The following SHTN1 variants were observed in gnomAD, a reference collection of about 807,000 sequenced individuals.
The protein encoded by SHTN1 is shootin 1.
Under a neutral mutation model 83.1 loss-of-function variants are expected in SHTN1, and 42 were observed. The ratio of observed to expected loss-of-function variants is 0.51; its 90% CI spans 0.39 to 0.65. The LOEUF (loss-of-function observed/expected upper bound fraction) is 0.65. SHTN1 is among the 30% of genes least tolerant of loss of function. The pLI is 0.00. For synonymous variants in SHTN1, 224 were observed against 247.7 expected, an observed-to-expected ratio of 0.90 and a Z score of 0.90; for missense variants, 622 against 737.8, an observed-to-expected ratio of 0.84 and a Z score of 1.82.
intron 9 of SHTN1, among the ~76,000 whole-genome samples, chr10:116,939,450 G>A (rs182702789): frequency 3.9e-5 from 6 of 152,302 alleles, no homozygotes; most frequent in Admixed American, 3.9e-4. Flanking sequence ...CTTCCCGGGT[G>A]AGGCAACACC....
intron 16 of SHTN1, among the ~76,000 whole-genome samples, chr10:116,887,497 C>T (rs565134490): frequency 6.6e-6 from 1 of 152,146 alleles, no homozygotes; most frequent in East Asian, 1.9e-4. Context: ...CCCGGCACAC[C>T]ACCATCCCAC....
At chr10:117,064,430 C>T (rs187234616) in intron 1 of SHTN1, among the ~76,000 whole-genome samples, 5 of 152,192 alleles carry the variant, frequency 3.3e-5, no homozygotes, top group East Asian at 1.9e-4. Flanking sequence ...CCAAGGCAGG[C>T]GGATCACGAG....
At chr10:117,037,861 C>G (rs1316768815) in intron 2 of SHTN1, among the ~76,000 whole-genome samples, 1 of 151,436 alleles carries the variant, frequency 6.6e-6, no homozygotes, top group Non-Finnish European at 1.5e-5. Flanking sequence ...CAAAAATTAG[C>G]TGGGTGTGGT....
chr10:116,927,354 AC>A (rs1213795334), intron 11 of SHTN1, among the ~76,000 whole-genome samples: 7 of 152,178 alleles, frequency 4.6e-5, no homozygotes, highest in Non-Finnish European at 1.5e-5. Context: ...ATAAAGATAT[AC>A]CCGAGACTCG....
chr10:116,938,397 A>T (rs1192738478), intron 9 of SHTN1, among the ~76,000 whole-genome samples: 1 of 152,082 alleles, frequency 6.6e-6, no homozygotes, highest in East Asian at 1.9e-4. Flanking sequence ...TCTGTTTGTT[A>T]GTTTTCCTTC....
intron 6 of SHTN1, among the ~76,000 whole-genome samples, chr10:116,951,328 C>A (rs1849768566): frequency 6.6e-6 from 1 of 152,144 alleles, no homozygotes; most frequent in Non-Finnish European, 1.5e-5. Flanking sequence ...GAGGCTGAGG[C>A]AGGAGGATCA....
At chr10:117,021,234 G>A (rs1852259731) in intron 2 of SHTN1, among the ~76,000 whole-genome samples, 1 of 152,196 alleles carries the variant, frequency 6.6e-6, no homozygotes, top group Admixed American at 6.5e-5. Flanking sequence ...TTAGCCGGGC[G>A]TTGTGGTACG....
At chr10:117,084,857 C>A (rs539547431) in intron 1 of SHTN1, among the ~76,000 whole-genome samples, 1 of 151,536 alleles carries the variant, frequency 6.6e-6, no homozygotes, top group Non-Finnish European at 1.5e-5. Context: ...TGACCCCTTG[C>A]GCTTCCCGAG....
intron 2 of SHTN1, among the ~76,000 whole-genome samples, chr10:117,015,271 C>G (rs1852165855): frequency 6.6e-6 from 1 of 152,172 alleles, no homozygotes; most frequent in East Asian, 1.9e-4. Context: ...GCTCTGCTGA[C>G]AGCTGAAGGC....
chr10:116,928,504 TATGA>T (rs1848826840), intron 10 of SHTN1, among the ~76,000 whole-genome samples: 1 of 152,232 alleles, frequency 6.6e-6, no homozygotes, highest in African/African-American at 2.4e-5. Context: ...TGAAAGTGCC[TATGA>T]ATGGTGCTAC....
intron 4 of SHTN1, among the ~76,000 whole-genome samples, chr10:116,957,315 G>A (rs1184959403): frequency 6.8e-6 from 1 of 146,002 alleles, no homozygotes; most frequent in Non-Finnish European, 1.5e-5. Context: ...GTAGAGCTGC[G>A]TGATTTCAGC....
chr10:117,108,102 T>C lies in SHTN1; in HGVS notation c.-189+18205A>G, dbSNP rs1482651444. On this transcript the variant is annotated intron_variant, in intron 1 of 17. Coordinates refer to the SHTN1 transcript ENST00000392901. The stretch of plus-strand genomic sequence containing the variant: ...TACCTGTGCTTCTGATTACTATTTT[T>C]GTTTCCAAGGCTAATAAGGAGCTGT... Among the ~76,000 whole-genome samples, 5 of 152,336 alleles carry C rather than the reference T, an allele frequency of 3.3e-5. No individual in the cohort carries two copies. In the East Asian group the frequency reaches 9.6e-4, roughly 29 times the overall value.
At chr10:117,112,839 G>C (rs1008700838) in intron 1 of SHTN1, among the ~76,000 whole-genome samples, 3 of 152,182 alleles carry the variant, frequency 2.0e-5, no homozygotes, top group Non-Finnish European at 4.4e-5. Flanking sequence ...TCTGAAAATG[G>C]AGATGTTTAA....
chr10:116,946,469 G>T (rs1330535256), intron 7 of SHTN1, among the ~76,000 whole-genome samples: 1 of 140,754 alleles, frequency 7.1e-6, no homozygotes, highest in Non-Finnish European at 1.5e-5. Flanking sequence ...ATATACATAT[G>T]TATAAAATGT....
chr10:117,067,854 A>T lies in SHTN1; in HGVS notation c.-188-19344T>A, dbSNP rs189539565. Among the ~76,000 whole-genome samples the T allele has an allele frequency of 4.6e-5, 7 of 152,292 alleles. No individual in the cohort carries two copies. The East Asian group carries it at 1.2e-3, about 25-fold the overall frequency. On this transcript the variant is annotated intron_variant, in intron 1 of 17. Transcript: ENST00000392901. ...GGATATGGGAAGTGGGTGAGATGGA[A>T]ATATCAACAATAAACCTCAGGTTCC...
At chr10:116,983,671 GATAGATAGATAGATAAATACATAC>G (rs1439087181) in intron 1 of SHTN1, among the ~76,000 whole-genome samples, 2 of 61,652 alleles carry the variant, frequency 3.2e-5, no homozygotes, top group Non-Finnish European at 8.1e-5. Flanking sequence ...TAGATAGATA[GATAGATAGATAGATAAATACATAC>G]ATACATACAT....
upstream of SHTN1, among the ~76,000 whole-genome samples, chr10:117,008,114 C>CAT (rs753221896): frequency 4.0e-4 from 60 of 151,802 alleles, no homozygotes; most frequent in African/African-American, 7.7e-4. Context: ...TGTGTGTTTA[C>CAT]ATATATATAT....
chr10:116,903,440 G>A (rs1847828593), intron 15 of SHTN1, among the ~76,000 whole-genome samples: 1 of 151,948 alleles, frequency 6.6e-6, no homozygotes, highest in South Asian at 2.1e-4. Flanking sequence ...CAAGAGAATC[G>A]CTTGAACTCA....
chr10:117,116,692 C>T (rs563811501), intron 1 of SHTN1, among the ~76,000 whole-genome samples: 7 of 152,178 alleles, frequency 4.6e-5, no homozygotes, highest in East Asian at 1.9e-4. Context: ...TTCAACAACA[C>T]ATTAAAAGGA....
Sources: gnomAD v4.1 joint callset for allele counts (sites outside exome capture counted in the v4.1 genomes callset) on GRCh38, gnomAD v4.1.1 for gene constraint, MANE v1.5 for transcripts, NCBI Gene and HGNC (gene_info 2026-07-23, HGNC 2026-07-21) for gene names.